Variants in SFT2D2 observed in about 807,000 individuals in gnomAD.
The protein encoded by SFT2D2 is SFT2 domain containing 2.
SFT2D2 carries 21 observed loss-of-function variants against 27.4 expected under a neutral mutation model. The ratio of observed to expected loss-of-function variants is 0.77; its 90% confidence interval spans 0.54 to 1.10. The LOEUF (loss-of-function observed/expected upper bound fraction) is 1.10. Among genes scored for constraint, SFT2D2 ranks in the 50% least tolerant of loss-of-function variants. The pLI is 0.00. For missense variants in SFT2D2, 187 were observed against 194.2 expected (o/e 0.96, Z 0.22); for synonymous variants, 72 against 71.7 (o/e 1.00, Z -0.02).
chr1:168,236,488 G>A, intron 4 of SFT2D2, 101 bp from the exon 5 acceptor site: 1 of 1,135,972 alleles, frequency 8.8e-7, no homozygotes, highest in Non-Finnish European at 1.3e-6. Context: ...TTGAGATGAA[G>A]GATGCATAAG....
In SFT2D2 at chr1:168,233,364, C is replaced by G. The variant is rs74383214; in HGVS notation, c.236+1445C>G. 2.2e-3 allele frequency among the ~76,000 whole-genome samples: 331 copies of G among 152,308 alleles called. 1 individual carries two copies. Among genetic ancestry groups the G allele is most frequent in the African/African-American group, 7.7e-3 (320 of 41,554 alleles). Reference sequence around the variant, plus strand: ...ACCTCTTCCTTTGGACTCTCAGTATCACATCTATATTTATGTGCCAGTGCA... The same window carrying G: ...ACCTCTTCCTTTGGACTCTCAGTATGACATCTATATTTATGTGCCAGTGCA... On this transcript the variant is annotated intron_variant, in intron 3 of 7. Coordinates refer to ENST00000271375, the MANE Select transcript of SFT2D2 (RefSeq NM_199344.3).
intron 4 of SFT2D2, 46 bp from the exon 5 acceptor site, chr1:168,236,543 C>A: frequency 6.5e-7 from 1 of 1,537,348 alleles, no homozygotes; most frequent in Admixed American, 1.9e-5. Context: ...TTTTTTTTTT[C>A]CTGCCATGTT....
At position 168,248,874 on chromosome 1, in the gene SFT2D2, G is replaced by A. The variant is rs1005388890; in HGVS notation, c.*6334G>A. 9 of 151,916 alleles carry A rather than the reference G, an allele frequency of 5.9e-5. No individual in the cohort carries two copies. Among genetic ancestry groups the A allele is most frequent in the Middle Eastern group, 3.4e-3 (1 of 294 alleles). The allele number at this position is 151,916 out of a possible 1,614,324, so 9.4% of individuals were successfully genotyped here. A position where few individuals can be genotyped will look rare whatever the true frequency, so the allele number is the denominator to read the frequency against. On this transcript the variant is annotated 3_prime_UTR_variant, in exon 8 of 8. Coordinates refer to ENST00000271375, the MANE Select transcript of SFT2D2 (RefSeq NM_199344.3). ...CTTCTAGATTTTCTACTTTATTTGCGTAGAGTTGTTTATAGTATTCTCTAA... is the reference window on the plus strand; with the variant it reads ...CTTCTAGATTTTCTACTTTATTTGCATAGAGTTGTTTATAGTATTCTCTAA...
intron 6 of SFT2D2, among the ~76,000 whole-genome samples, chr1:168,238,930 A>G (rs1647576887): frequency 6.6e-6 from 1 of 152,136 alleles, no homozygotes; most frequent in South Asian, 2.1e-4. Context: ...CTATCTGTAC[A>G]TGGCCATAGT....
chr1:168,236,984 T>C (rs1200428824), intron 6 of SFT2D2, among the ~76,000 whole-genome samples: 1 of 152,228 alleles, frequency 6.6e-6, no homozygotes, highest in Non-Finnish European at 1.5e-5. Context: ...TCTTGAGTGG[T>C]CACAGGAGGC....
At chr1:168,226,398 C>A (rs936298223) in intron 1 of SFT2D2, among the ~76,000 whole-genome samples, 1 of 152,166 alleles carries the variant, frequency 6.6e-6, no homozygotes, top group African/African-American at 2.4e-5. Context: ...AATCCCCGGA[C>A]TGAGCTGCGA....
In SFT2D2 at chr1:168,246,110, A is replaced by G. The variant is rs748380962; in HGVS notation, c.*3570A>G. The stretch of plus-strand genomic sequence containing the variant: ...TTTTTGTTGAAGTTGTCTCACAACT[A>G]CTTCTCTTTCTGCTTTCTCTCTTTC... On this transcript the variant is annotated 3_prime_UTR_variant, in exon 8 of 8. Coordinates refer to ENST00000271375, the MANE Select transcript of SFT2D2 (RefSeq NM_199344.3). The G allele has an allele frequency of 2.1e-5, 5 of 238,460 alleles. No individual in the cohort carries two copies. Among genetic ancestry groups the G allele is most frequent in the Non-Finnish European group, 3.3e-5 (4 of 119,700 alleles). 14.8% of individuals were successfully genotyped at this position (238,460 alleles called of 1,614,324 possible). A position where few individuals can be genotyped will look rare whatever the true frequency, so the allele number is the denominator to read the frequency against.
chr1:168,231,266 A>C (rs1647272567), intron 1 of SFT2D2, among the ~76,000 whole-genome samples: 1 of 152,056 alleles, frequency 6.6e-6, no homozygotes, highest in African/African-American at 2.4e-5. Context: ...TGAGGCAAGG[A>C]GTTTCTACCT....
At chr1:168,232,541 C>T (rs1016995936) in intron 3 of SFT2D2, among the ~76,000 whole-genome samples, 3 of 152,192 alleles carry the variant, frequency 2.0e-5, no homozygotes, top group Non-Finnish European at 4.4e-5. Context: ...TTGTTTCCCC[C>T]TTTTCCCTTC....
Position 168,231,583 on chromosome 1 carries a change from A to T in SFT2D2, c.133A>T (p.Ile45Phe). Residue 45 changes from isoleucine to phenylalanine, a missense_variant, in exon 2 of 8, where the codon ATT (isoleucine) becomes TTT (phenylalanine). Transcript: ENST00000271375. ...CTTCATTGCGTGTTTTGCTATAGGA[A>T]TTCTCTGCTCACTGCTGGTAAGATT... ...KGFIACFAIGILCSLLGTVLL... is the reference protein window; with the variant it reads ...KGFIACFAIGFLCSLLGTVLL... The T allele has an allele frequency of 6.2e-7, 1 of 1,613,960 alleles. No individual in the cohort carries two copies. Among genetic ancestry groups the T allele is most frequent in the Non-Finnish European group, 8.5e-7 (1 of 1,179,996 alleles).
chr1:168,252,545 G>A lies in SFT2D2; in HGVS notation c.*10005G>A, dbSNP rs552214166. 3.3e-5 allele frequency: 5 copies of A among 152,136 alleles called. No homozygotes were observed. The highest frequency in any genetic ancestry group is 1.9e-4 in the East Asian group (1 of 5,184). 9.4% of individuals were successfully genotyped at this position (152,136 alleles called of 1,614,324 possible). ...TTTTTTGGTCTTTCTGCTATGAAACGTGTTTATTTTGCCTCTGTCAATGTG... is the reference window on the plus strand; with the variant it reads ...TTTTTTGGTCTTTCTGCTATGAAACATGTTTATTTTGCCTCTGTCAATGTG... On this transcript the variant is annotated 3_prime_UTR_variant, in exon 8 of 8. Transcript: ENST00000271375.
Position 168,226,115 on chromosome 1 carries a change from C to T in SFT2D2, c.36C>T (p.Asp12=). ...TGAAGAAGGTGCTGAGCGGGCAGGA[C>T]ACGGAGGACCGGAGCGGCCTGTCCG... ...DKLKKVLSGQ[D]TEDRSGLSEV... The change falls in exon 1 of 8, where the codon GAC becomes GAT. Residue 12 remains aspartate (D), a synonymous_variant. Transcript: ENST00000271375. 1 of 1,535,564 alleles carries T rather than the reference C, an allele frequency of 6.5e-7. No individual in the cohort carries two copies. Among genetic ancestry groups the T allele is most frequent in the South Asian group, 1.2e-5 (1 of 81,698 alleles).
At chr1:168,228,656 G>A (rs1490681183) in intron 1 of SFT2D2, among the ~76,000 whole-genome samples, 1 of 152,148 alleles carries the variant, frequency 6.6e-6, no homozygotes, top group South Asian at 2.1e-4. Flanking sequence ...AAATGAAGCA[G>A]TATTTCTTTC....
At chr1:168,237,861 G>GTT (rs34474940) in intron 6 of SFT2D2, among the ~76,000 whole-genome samples, 3 of 98,362 alleles carry the variant, frequency 3.0e-5, no homozygotes, top group Non-Finnish European at 4.7e-5. Flanking sequence ...GTGTGTGTAT[G>GTT]TTTTTTTTTT....
rs1297854371 is a variant in SFT2D2 at position 168,245,712 on chromosome 1, C to T, written c.*3172C>T. ...CTGTCCATGGCCTGTAGGTTGGGAA[C>T]CTCTGCTACAGAGGATCCAGATTTA... is the stretch of plus-strand genomic sequence containing the variant. On this transcript the variant is annotated 3_prime_UTR_variant, in exon 8 of 8. Coordinates refer to ENST00000271375, the MANE Select transcript of SFT2D2 (RefSeq NM_199344.3). 1.3e-5 allele frequency: 2 copies of T among 152,302 alleles called. No homozygotes were observed. The allele number at this position is 152,302 out of a possible 1,614,324, so 9.4% of individuals were successfully genotyped here.
rs1012112715 is a variant in SFT2D2, at chr1:168,240,057, C to T, written c.443+897C>T. On this transcript the variant is annotated intron_variant, in intron 7 of 7. Transcript: ENST00000271375. Reference sequence around the variant, plus strand: ...GGGCGTGGTGGCAGGCGCCTGTAGTCGAAGCTACTTGGGAGGCTGAGGCAG... The same window carrying T: ...GGGCGTGGTGGCAGGCGCCTGTAGTTGAAGCTACTTGGGAGGCTGAGGCAG... 6.6e-5 allele frequency among the ~76,000 whole-genome samples: 10 copies of T among 151,432 alleles called. No individual in the cohort carries two copies. In the South Asian group the frequency reaches 1.3e-3, roughly 19 times the overall value.
rs1162289323 is a variant in SFT2D2, at chr1:168,245,141, G to A, written c.*2601G>A. 1 of 152,002 alleles carries A rather than the reference G, an allele frequency of 6.6e-6. No individual in the cohort carries two copies. The highest frequency in any genetic ancestry group is 1.5e-5 in the Non-Finnish European group (1 of 68,020). 9.4% of individuals were successfully genotyped at this position (152,002 alleles called of 1,614,324 possible). On this transcript the variant is annotated 3_prime_UTR_variant, in exon 8 of 8. Transcript: ENST00000271375. ...AGGGAGGGAAGGAGAAAAATGAAAG[G>A]CCTTTAGATTGAAAAGAAATGAGTA...
rs1366954152 is a variant in SFT2D2 at position 168,246,979 on chromosome 1, T to C, written c.*4439T>C. 1.7e-6 allele frequency: 1 copy of C among 592,806 alleles called. No individual in the cohort carries two copies. The highest frequency in any genetic ancestry group is 1.4e-5 in the South Asian group (1 of 70,682). The allele number at this position is 592,806 out of a possible 1,614,324, so 36.7% of individuals were successfully genotyped here. On this transcript the variant is annotated 3_prime_UTR_variant, in exon 8 of 8. Coordinates refer to ENST00000271375, the MANE Select transcript of SFT2D2 (RefSeq NM_199344.3). Reference sequence around the variant, plus strand: ...ATTTCATCTTGCATCAAATGGTTTTTATGCAACAGGTCTTCTTCTTTTTCA... The same window carrying C: ...ATTTCATCTTGCATCAAATGGTTTTCATGCAACAGGTCTTCTTCTTTTTCA...
At chr1:168,239,225 T>A in intron 7 of SFT2D2, 65 bp downstream of exon 7, 1 of 1,222,298 alleles carries the variant, frequency 8.2e-7, no homozygotes, top group Non-Finnish European at 1.2e-6. Flanking sequence ...TTTCAGAGAG[T>A]ATAGCCTATT....
Sources: gnomAD v4.1 joint callset for allele counts (sites outside exome capture counted in the v4.1 genomes callset) on GRCh38, gnomAD v4.1.1 for gene constraint, MANE v1.5 for transcripts, NCBI Gene and HGNC (gene_info 2026-07-23, HGNC 2026-07-21) for gene names.